Variants in SFMBT2 observed in about 807,000 individuals in gnomAD.
SFMBT2 encodes the protein scm-like with four MBT domains protein 2.
SFMBT2 carries 38 observed loss-of-function variants against 110.1 expected under a neutral mutation model. The ratio of observed to expected loss-of-function variants is 0.35; its 90% CI spans 0.27 to 0.45. The LOEUF (loss-of-function observed/expected upper bound fraction) is 0.45, where lower values mean the gene tolerates loss of function less well. Among genes scored for constraint, SFMBT2 ranks in the 20% least tolerant of loss-of-function variants. The probability of loss-of-function intolerance (pLI) is 1.00; values close to 1 mark genes in which losing one functional copy is unlikely to be tolerated. For missense variants in SFMBT2, 1,011 were observed against 1,094.9 expected (o/e 0.92, Z 1.08); for synonymous variants, 425 against 425.4 (o/e 1.00, Z 0.01).
At chr10:7,396,902 T>G (rs1459896172) in intron 1 of SFMBT2, among the ~76,000 whole-genome samples, 5 of 22,554 alleles carry the variant, frequency 2.2e-4, no homozygotes, top group Non-Finnish European at 3.3e-4. Context: ...TGTCGTGGGG[T>G]GGGGGGATGG....
chr10:7,393,223 A>G (rs777805379), intron 1 of SFMBT2, among the ~76,000 whole-genome samples: 6 of 151,358 alleles, frequency 4.0e-5, no homozygotes, highest in Non-Finnish European at 8.8e-5. Flanking sequence ...TAGAGACGGC[A>G]TTTTGCCATG....
chr10:7,277,138 C>T (rs924790081), intron 6 of SFMBT2, 149 bp from the exon 7 acceptor site: 130 of 585,822 alleles, frequency 2.2e-4, no homozygotes, highest in Admixed American at 9.3e-5. Context: ...CATGAGCAGC[C>T]ACCTGCTGAA....
chr10:7,299,589 G>T (rs1018256429), intron 4 of SFMBT2, among the ~76,000 whole-genome samples: 8 of 152,194 alleles, frequency 5.3e-5, no homozygotes, highest in African/African-American at 1.9e-4. Context: ...AACAATAGAT[G>T]CTGGCGAGGC....
At chr10:7,382,758 T>C (rs1845462486) in intron 1 of SFMBT2, among the ~76,000 whole-genome samples, 1 of 152,212 alleles carries the variant, frequency 6.6e-6, no homozygotes, top group African/African-American at 2.4e-5. Context: ...TATCGATGTT[T>C]GTCAATAATG....
intron 9 of SFMBT2, among the ~76,000 whole-genome samples, chr10:7,229,564 C>T (rs968044495): frequency 7.3e-6 from 1 of 136,852 alleles, no homozygotes; most frequent in Admixed American, 7.7e-5. Context: ...CACTGCACTC[C>T]AGCCTGGGTG....
intron 7 of SFMBT2, among the ~76,000 whole-genome samples, chr10:7,254,548 G>A (rs1247001977): frequency 1.3e-5 from 2 of 152,122 alleles, no homozygotes; most frequent in Admixed American, 6.5e-5. Context: ...GGGGCCAGGC[G>A]CGGTGGCTCA....
intron 16 of SFMBT2, among the ~76,000 whole-genome samples, chr10:7,177,976 G>A (rs1456052198): frequency 1.3e-5 from 2 of 152,202 alleles, no homozygotes; most frequent in Non-Finnish European, 2.9e-5. Flanking sequence ...GCCAAAAAGA[G>A]AAGCTTAAGG....
chr10:7,214,236 G>A (rs756444134), intron 11 of SFMBT2, among the ~76,000 whole-genome samples: 9 of 152,290 alleles, frequency 5.9e-5, no homozygotes, highest in South Asian at 2.1e-4. Context: ...AGCATCTTCC[G>A]GCCACCACTC....
At position 7,367,765 on chromosome 10, in the gene SFMBT2, C is replaced by T. The variant is rs773431638; in HGVS notation, c.320G>A (p.Arg107His). 1.2e-6 allele frequency: 2 copies of T among 1,614,002 alleles called. No individual in the cohort carries two copies. The highest frequency in any genetic ancestry group is 1.7e-6 in the Non-Finnish European group (2 of 1,180,040). Residue 107 changes from arginine to histidine, a missense_variant, in exon 4 of 21, where the codon CGC becomes CAC. This residue lies in a region of SFMBT2 where 979 missense variants were observed against 1,016.1 expected (regional missense o/e 0.96). Transcript: ENST00000397167. The surrounding 1 kb of genome is among the most constrained non-coding windows in gnomAD (Gnocchi z 6.2). ...GCGGTCCTCCCCGTAACCGCAGTAG[C>T]GCAGAAGCAGCAGCTGCCCGCACGT... ...ITTCGQLLLL[R>H]YCGYGEDRRA...
chr10:7,266,947 G>A (rs1171566067), intron 7 of SFMBT2, among the ~76,000 whole-genome samples: 1 of 152,154 alleles, frequency 6.6e-6, no homozygotes. Context: ...CTGCAATCTG[G>A]AAATGTGGCT....
intron 17 of SFMBT2, among the ~76,000 whole-genome samples, chr10:7,174,949 GTGTGTGTGTGT>G (rs1185375814): frequency 2.0e-5 from 3 of 152,232 alleles, no homozygotes; most frequent in African/African-American, 7.2e-5. Flanking sequence ...GACTCTGTGT[GTGTGTGTGTGT>G]TGTGTGTGTG....
chr10:7,161,063 C>G lies in SFMBT2; in HGVS notation c.*2707G>C, dbSNP rs184907547. ...CTCACCCATGGTGACCGCAACTGCA[C>G]AGAGAAACGCTGAAGTTAAACTGTC... On this transcript the variant is annotated 3_prime_UTR_variant, in exon 21 of 21. Coordinates refer to ENST00000397167, the MANE Select transcript of SFMBT2 (RefSeq NM_001387889.1). The G allele has an allele frequency of 2.6e-5, 4 of 152,392 alleles. No individual in the cohort carries two copies. The highest frequency in any genetic ancestry group is 2.0e-4 in the Admixed American group (3 of 15,314). The allele number at this position is 152,392 out of a possible 1,614,324, so 9.4% of individuals were successfully genotyped here. A position where few individuals can be genotyped will look rare whatever the true frequency, so the allele number is the denominator to read the frequency against.
chr10:7,406,147 G>C (rs188643128), intron 1 of SFMBT2, among the ~76,000 whole-genome samples: 17 of 151,884 alleles, frequency 1.1e-4, no homozygotes, highest in Admixed American at 2.0e-4. Flanking sequence ...AACCTCAAAA[G>C]TACAGAGTAA....
rs1043161168 is a variant in SFMBT2, at chr10:7,170,139, G to A, written c.2544+789C>T. 2.6e-5 allele frequency among the ~76,000 whole-genome samples: 4 copies of A among 152,178 alleles called. No homozygotes were observed. Among genetic ancestry groups the A allele is most frequent in the Non-Finnish European group, 2.9e-5 (2 of 68,042 alleles). On this transcript the variant is annotated intron_variant, in intron 20 of 20. Coordinates refer to ENST00000397167, the MANE Select transcript of SFMBT2 (RefSeq NM_001387889.1). The surrounding 1 kb of genome is among the most constrained non-coding windows in gnomAD (Gnocchi z 4.6). The stretch of plus-strand genomic sequence containing the variant: ...CAAACAGAAGACTCTGGAAGGTGGA[G>A]AAAGGAGGGCAGACCGGCTAGGGGC...
intron 4 of SFMBT2, chr10:7,348,361 T>C: frequency 1.3e-6 from 2 of 1,508,098 alleles, no homozygotes; most frequent in Non-Finnish European, 1.8e-6. Flanking sequence ...CAGATGGTTT[T>C]AATGGCTATA....
intron 4 of SFMBT2, among the ~76,000 whole-genome samples, chr10:7,311,230 C>T (rs17425907): frequency 6.6e-6 from 1 of 151,912 alleles, no homozygotes; most frequent in African/African-American, 2.4e-5. Context: ...CCCAGTCTAT[C>T]GAGCACCTGA....
At chr10:7,185,939 T>C (rs1413335936) in intron 16 of SFMBT2, among the ~76,000 whole-genome samples, 3 of 152,184 alleles carry the variant, frequency 2.0e-5, no homozygotes, top group African/African-American at 4.8e-5. Context: ...AAATTTTCTC[T>C]TCCAGAACAG....
At chr10:7,299,752 G>C (rs546781130) in intron 4 of SFMBT2, among the ~76,000 whole-genome samples, 1 of 152,142 alleles carries the variant, frequency 6.6e-6, no homozygotes, top group South Asian at 2.1e-4. Context: ...ACATATGTGT[G>C]CATGTGTCTT....
chr10:7,316,449 G>A (rs968376226), intron 4 of SFMBT2, among the ~76,000 whole-genome samples: 8 of 152,158 alleles, frequency 5.3e-5, no homozygotes, highest in African/African-American at 1.9e-4. Flanking sequence ...GATGGGCCCC[G>A]CCAGGCTGGA....
Sources: gnomAD v4.1 joint callset for allele counts (sites outside exome capture counted in the v4.1 genomes callset) on GRCh38, gnomAD v4.1.1 for gene constraint, gnomAD v4.1.1 regional missense constraint, Gnocchi (gnomAD v3.1) non-coding constraint, MANE v1.5 for transcripts, NCBI Gene and HGNC (gene_info 2026-07-23, HGNC 2026-07-21) for gene names.